SLC8A1: variants seen among roughly 807,000 people sequenced by gnomAD.
The protein encoded by SLC8A1 is sodium/calcium exchanger 1.
SLC8A1 carries 18 observed loss-of-function variants against 68.3 expected under a neutral mutation model. That is an observed-to-expected ratio of 0.26 (90% confidence interval 0.18 to 0.39). SLC8A1 has a LOEUF of 0.39. SLC8A1 is among the 10% of genes least tolerant of loss of function. The pLI, the probability that SLC8A1 is intolerant of heterozygous loss-of-function variation, is 1.00. For synonymous variants in SLC8A1, 475 were observed against 415.5 expected (o/e 1.14, Z -1.74); for missense variants, 985 against 1,156.7 (o/e 0.85, Z 2.15).
intron 2 of SLC8A1, among the ~76,000 whole-genome samples, chr2:40,253,822 G>A (rs1418834616): frequency 6.6e-5 from 5 of 75,930 alleles, no homozygotes; most frequent in Non-Finnish European, 4.4e-5. Context: ...GCCAAACTCT[G>A]TCTGTCTCCA....
chr2:40,226,278 A>C (rs1038358458), intron 2 of SLC8A1, among the ~76,000 whole-genome samples: 2 of 152,128 alleles, frequency 1.3e-5, no homozygotes, highest in African/African-American at 2.4e-5. Flanking sequence ...ACTTCTCTGT[A>C]ATTACATAAT....
intron 2 of SLC8A1, among the ~76,000 whole-genome samples, chr2:40,304,745 T>C (rs891518099): frequency 2.6e-5 from 4 of 152,142 alleles, no homozygotes; most frequent in African/African-American, 9.7e-5. Flanking sequence ...TGGTACTGCA[T>C]TGTTTTACCT....
chr2:40,431,853 C>T (rs900061247), intron 1 of SLC8A1, among the ~76,000 whole-genome samples: 18 of 152,114 alleles, frequency 1.2e-4, no homozygotes, highest in African/African-American at 4.3e-4. Flanking sequence ...GAGAACACCG[C>T]TGCCTAGGAC....
intron 2 of SLC8A1, among the ~76,000 whole-genome samples, chr2:40,231,403 A>C (rs924288736): frequency 7.2e-5 from 11 of 152,106 alleles, no homozygotes; most frequent in Non-Finnish European, 1.3e-4. Context: ...CAGGATTTCA[A>C]ATCTTCCCAT....
intron 1 of SLC8A1, among the ~76,000 whole-genome samples, chr2:40,482,789 CTTTTT>C (rs34808025): frequency 7.6e-6 from 1 of 131,862 alleles, no homozygotes; most frequent in African/African-American, 2.9e-5. Context: ...ACAGTTAGCA[CTTTTT>C]TTTTTTTTTT....
Position 40,449,516 on chromosome 2 carries a change from T to G in SLC8A1, c.-25+2388A>C, listed in dbSNP as rs567067861. Among the ~76,000 whole-genome samples the G allele has an allele frequency of 2.6e-5, 4 of 152,276 alleles. No homozygotes were observed. In the East Asian group the frequency reaches 5.8e-4, roughly 22 times the overall value. ...GAGCAATTAACATAATTCCTGCAAATAGTCCTATAGATGTTACTGACTATA... is the reference window on the plus strand; with the variant it reads ...GAGCAATTAACATAATTCCTGCAAAGAGTCCTATAGATGTTACTGACTATA... On this transcript the variant is annotated intron_variant, in intron 1 of 7. Transcript: ENST00000406785.
At chr2:40,142,163 T>G (rs1231367093) in intron 6 of SLC8A1, among the ~76,000 whole-genome samples, 1 of 152,246 alleles carries the variant, frequency 6.6e-6, no homozygotes, top group East Asian at 1.9e-4. Flanking sequence ...GTTTGTTTCC[T>G]TATACATTTC....
chr2:40,178,579 A>G (rs1208923080), intron 2 of SLC8A1, 86 bp from the exon 3 acceptor site: 1 of 1,119,080 alleles, frequency 8.9e-7, no homozygotes, highest in Admixed American at 2.0e-5. Context: ...AAGGTTAACC[A>G]GCTGCACTTT....
chr2:40,419,100 G>A (rs2149735747), intron 2 of SLC8A1, among the ~76,000 whole-genome samples: 1 of 152,298 alleles, frequency 6.6e-6, no homozygotes, highest in East Asian at 1.9e-4. Context: ...GTTTTCTATG[G>A]CAGAGGCTAT....
At chr2:40,261,539 G>C (rs1049963789) in intron 2 of SLC8A1, among the ~76,000 whole-genome samples, 16 of 152,174 alleles carry the variant, frequency 1.1e-4, no homozygotes, top group Admixed American at 6.5e-5. Flanking sequence ...TGGCTGATTT[G>C]AGTTCCTTCT....
intron 2 of SLC8A1, among the ~76,000 whole-genome samples, chr2:40,324,518 T>C (rs1421025775): frequency 6.6e-6 from 1 of 152,136 alleles, no homozygotes; most frequent in South Asian, 2.1e-4. Context: ...CGAAGGGAAA[T>C]GTCATAGATT....
intron 2 of SLC8A1, among the ~76,000 whole-genome samples, chr2:40,364,811 G>T (rs1675612223): frequency 6.6e-6 from 1 of 152,034 alleles, no homozygotes; most frequent in Non-Finnish European, 1.5e-5. Flanking sequence ...AAAGTTAGGA[G>T]AAAATAATAC....
At chr2:40,284,751 T>G (rs1340905281) in intron 2 of SLC8A1, among the ~76,000 whole-genome samples, 3 of 151,812 alleles carry the variant, frequency 2.0e-5, no homozygotes, top group Non-Finnish European at 4.4e-5. Flanking sequence ...TAATCTCTTT[T>G]CCCATGAAGT....
At chr2:40,429,461 T>C (rs1246127946) in exon 2 of SLC8A1, 1 of 1,613,682 alleles carries the variant, frequency 6.2e-7, no homozygotes. Context: ...TCAATAATCA[T>C]CCCCCTCTGC....
At chr2:40,124,873 T>C (rs1265595101) in intron 7 of SLC8A1, among the ~76,000 whole-genome samples, 2 of 152,262 alleles carry the variant, frequency 1.3e-5, no homozygotes, top group African/African-American at 4.8e-5. Context: ...TATGTAACTA[T>C]GCCTACTATT....
At chr2:40,418,413 G>A (rs183230937) in intron 2 of SLC8A1, among the ~76,000 whole-genome samples, 4 of 152,090 alleles carry the variant, frequency 2.6e-5, no homozygotes, top group Admixed American at 2.6e-4. Context: ...AGCTCAGAAA[G>A]ACTCCCATAT....
At chr2:40,444,626 C>T (rs1701098103) in intron 1 of SLC8A1, among the ~76,000 whole-genome samples, 1 of 152,146 alleles carries the variant, frequency 6.6e-6, no homozygotes, top group African/African-American at 2.4e-5. Flanking sequence ...ACATAGTCAA[C>T]CTCCTACCTG....
chr2:40,120,811 T>G (rs2036596851), intron 7 of SLC8A1: 1 of 152,330 alleles, frequency 6.6e-6, no homozygotes, highest in East Asian at 1.9e-4. Context: ...GTAAGAAATG[T>G]TGGCAAAATT....
chr2:40,494,038 A>C (rs1258561557), intron 1 of SLC8A1, among the ~76,000 whole-genome samples: 2 of 151,648 alleles, frequency 1.3e-5, no homozygotes, highest in East Asian at 3.9e-4. Flanking sequence ...TATCTACCTG[A>C]AAGTGTGTGC....
Sources: gnomAD v4.1 joint callset for allele counts (sites outside exome capture counted in the v4.1 genomes callset) on GRCh38, gnomAD v4.1.1 for gene constraint, MANE v1.5 for transcripts, NCBI Gene and HGNC (gene_info 2026-07-23, HGNC 2026-07-21) for gene names.